Variants in PRKACB observed in about 807,000 individuals in gnomAD.
The protein encoded by PRKACB is cAMP-dependent protein kinase catalytic subunit beta.
Under a neutral mutation model 51.4 loss-of-function variants are expected in PRKACB, and 16 were observed. That is an observed-to-expected ratio of 0.31 (90% confidence interval 0.21 to 0.47). The LOEUF is 0.47. Among genes scored for constraint, PRKACB ranks in the 20% least tolerant of loss-of-function variants. PRKACB has a pLI of 1.00. For missense variants in PRKACB, 309 were observed against 464.5 expected, an observed-to-expected ratio of 0.67 and a Z score of 3.08; for synonymous variants, 147 against 154.4, an observed-to-expected ratio of 0.95 and a Z score of 0.35.
intron 1 of PRKACB, among the ~76,000 whole-genome samples, chr1:84,121,511 T>G (rs1651074119): frequency 6.6e-6 from 1 of 152,130 alleles, no homozygotes; most frequent in South Asian, 2.1e-4. Flanking sequence ...CCCTAAACTT[T>G]CCCTTATTCA....
intron 1 of PRKACB, among the ~76,000 whole-genome samples, chr1:84,147,136 T>C (rs1310725762): frequency 6.6e-6 from 1 of 152,034 alleles, no homozygotes; most frequent in African/African-American, 2.4e-5. Context: ...AAGAAGCAAA[T>C]AGGTCAATAC....
In PRKACB at chr1:84,214,274, A is replaced by T; in HGVS notation, c.1028A>T (p.Lys343Met). The T allele has an allele frequency of 6.2e-7, 1 of 1,612,430 alleles. No homozygotes were observed. Among genetic ancestry groups the T allele is most frequent in the Non-Finnish European group, 8.5e-7 (1 of 1,179,328 alleles). Residue 343 changes from lysine to methionine, a missense_variant, in exon 9 of 10, where the codon AAG becomes ATG. Lys to Met is a moderately conservative substitution (Grantham distance 95). This residue lies in a region of PRKACB where 96 missense variants were observed against 129.9 expected (regional missense o/e 0.74). Coordinates refer to ENST00000370685, the MANE Select transcript of PRKACB (RefSeq NM_182948.4). ...GGTGTCAGTGATATAAAAACTCACA[A>T]GTGGTTTGCCACGACAGATTGGATT... ...KNGVSDIKTH[K>M]WFATTDWIAI...
At position 84,173,959 on chromosome 1, in the gene PRKACB, C is replaced by T. The variant is rs532091726; in HGVS notation, c.188-5218C>T. 1.1e-3 allele frequency among the ~76,000 whole-genome samples: 163 copies of T among 151,844 alleles called. 1 individual carries two copies. The highest frequency in any genetic ancestry group is 3.6e-3 in the African/African-American group (151 of 41,486). The stretch of plus-strand genomic sequence containing the variant: ...GCCATCAACATCTAACATATTGAGA[C>T]GTCTAATCCTCATCATCCCTCATTA... On this transcript the variant is annotated intron_variant, in intron 1 of 9. Coordinates refer to ENST00000370685, the MANE Select transcript of PRKACB (RefSeq NM_182948.4).
chr1:84,140,652 C>T (rs1280985110), upstream of PRKACB, among the ~76,000 whole-genome samples: 9 of 152,036 alleles, frequency 5.9e-5, no homozygotes, highest in Non-Finnish European at 1.0e-4. Flanking sequence ...TATAGGTGAC[C>T]GTCTTAATTA....
Position 84,228,081 on chromosome 1 carries a change from C to A in PRKACB, c.1072-7099C>A, listed in dbSNP as rs149749217. 2.4e-3 allele frequency among the ~76,000 whole-genome samples: 364 copies of A among 152,150 alleles called. 1 individual carries two copies. Among genetic ancestry groups the A allele is most frequent in the African/African-American group, 8.6e-3 (357 of 41,454 alleles). ...CTTCTGGGTAGTGCAAAACAGCAGTCCCCAAAGCAGGGCGTGCAAGGCAAC... is the reference window on the plus strand; with the variant it reads ...CTTCTGGGTAGTGCAAAACAGCAGTACCCAAAGCAGGGCGTGCAAGGCAAC... On this transcript the variant is annotated intron_variant, in intron 9 of 9. Coordinates refer to ENST00000370685, the MANE Select transcript of PRKACB (RefSeq NM_182948.4).
At chr1:84,234,330 G>T (rs11163920) in intron 9 of PRKACB, among the ~76,000 whole-genome samples, 19,361 of 152,124 alleles carry the variant, frequency 0.13, 1,992 homozygotes, top group East Asian at 0.34. Flanking sequence ...TGTCAGACAG[G>T]GACATTTAAG....
intron 1 of PRKACB, among the ~76,000 whole-genome samples, chr1:84,171,298 C>G (rs533312038): frequency 6.6e-6 from 1 of 151,296 alleles, no homozygotes; most frequent in African/African-American, 2.4e-5. Flanking sequence ...CTGATAAAGA[C>G]GAGCAAAGAT....
intron 1 of PRKACB, chr1:84,078,512 G>A: frequency 2.1e-6 from 2 of 941,164 alleles, no homozygotes; most frequent in Non-Finnish European, 3.1e-6. Context: ...GGGGCCGGGA[G>A]ACCAGCTGCC....
At chr1:84,115,031 T>C (rs1477606771) in intron 1 of PRKACB, among the ~76,000 whole-genome samples, 3 of 152,206 alleles carry the variant, frequency 2.0e-5, no homozygotes, top group Non-Finnish European at 4.4e-5. Context: ...CACTGTCTTC[T>C]TTTCCTTTGG....
chr1:84,093,191 T>A (rs1648636259), intron 1 of PRKACB, among the ~76,000 whole-genome samples: 1 of 151,874 alleles, frequency 6.6e-6, no homozygotes, highest in African/African-American at 2.4e-5. Context: ...GTCATAGATA[T>A]TTTCCTATGT....
At chr1:84,199,049 ATATATATATGCGTATATATGCATATATG>A (rs71097836) in intron 7 of PRKACB, among the ~76,000 whole-genome samples, 57,771 of 137,384 alleles carry the variant, frequency 0.42, 14,008 homozygotes, top group Non-Finnish European at 0.55. Context: ...ATATGTATGC[ATATATATATGCGTATATATGCATATATG>A]TATATATATG....
chr1:84,167,813 G>A (rs983636182), intron 1 of PRKACB, among the ~76,000 whole-genome samples: 10 of 151,490 alleles, frequency 6.6e-5, no homozygotes, highest in African/African-American at 2.4e-4. Context: ...AATAACCATA[G>A]TATTTACTTG....
At chr1:84,093,300 C>T (rs558571850) in intron 1 of PRKACB, among the ~76,000 whole-genome samples, 1 of 151,396 alleles carries the variant, frequency 6.6e-6, no homozygotes, top group South Asian at 2.1e-4. Context: ...TCTGTGTATG[C>T]GCTTCTGTGT....
intron 9 of PRKACB, among the ~76,000 whole-genome samples, chr1:84,216,069 C>T (rs1672839944): frequency 6.6e-6 from 1 of 152,098 alleles, no homozygotes; most frequent in Non-Finnish European, 1.5e-5. Flanking sequence ...TGCCCTGGCT[C>T]ACACCTGAAA....
At chr1:84,109,358 ATTAT>A (rs1650032151) in intron 1 of PRKACB, among the ~76,000 whole-genome samples, 1 of 151,916 alleles carries the variant, frequency 6.6e-6, no homozygotes, top group Non-Finnish European at 1.5e-5. Context: ...GAGGGTTCTC[ATTAT>A]TTCACATTCT....
chr1:84,185,402 A>G (rs962381391), intron 5 of PRKACB, among the ~76,000 whole-genome samples: 2 of 151,810 alleles, frequency 1.3e-5, no homozygotes, highest in Admixed American at 6.6e-5. Flanking sequence ...TTTAAATGTT[A>G]TACTACTGCT....
upstream of PRKACB, among the ~76,000 whole-genome samples, chr1:84,143,518 A>G (rs1290599396): frequency 6.6e-6 from 1 of 152,204 alleles, no homozygotes; most frequent in Non-Finnish European, 1.5e-5. Context: ...AGTAGTCTTC[A>G]GTGGTAAGGT....
At chr1:84,208,083 G>A (rs1184598196) in intron 8 of PRKACB, among the ~76,000 whole-genome samples, 1 of 152,104 alleles carries the variant, frequency 6.6e-6, no homozygotes, top group Non-Finnish European at 1.5e-5. Flanking sequence ...GGCCAGGCTG[G>A]TTTTGAAATC....
upstream of PRKACB, among the ~76,000 whole-genome samples, chr1:84,143,864 GT>G (rs41300504): frequency 0.023 from 3,413 of 150,784 alleles, 121 homozygotes; most frequent in African/African-American, 0.077. Context: ...TTTCATACTA[GT>G]TTTTTTTTAT....
Sources: allele counts gnomAD v4.1 joint callset (sites outside exome capture counted in the v4.1 genomes callset), GRCh38; gene constraint gnomAD v4.1.1; regional missense constraint gnomAD v4.1.1; transcripts MANE v1.5; gene names NCBI Gene and HGNC (gene_info 2026-07-23, HGNC 2026-07-21).